BMP8A: variants seen among roughly 807,000 people sequenced by gnomAD.
The protein encoded by BMP8A is BMP-8A.
Under a neutral mutation model 36.8 loss-of-function variants are expected in BMP8A, and 14 were observed. That is an observed-to-expected ratio of 0.38 (90% CI 0.25 to 0.60). BMP8A has a LOEUF of 0.60. Among genes scored for constraint, BMP8A ranks in the 20% least tolerant of loss-of-function variants. The pLI is 0.63. For synonymous variants in BMP8A, 120 were observed against 237.7 expected (o/e 0.50, Z 4.55); for missense variants, 267 against 551.1 (o/e 0.48, Z 5.16).
chr1:39,502,452 A>C (rs549179587), intron 1 of BMP8A, among the ~76,000 whole-genome samples: 1 of 152,290 alleles, frequency 6.6e-6, no homozygotes, highest in African/African-American at 2.4e-5. Flanking sequence ...CCAGTGCCCA[A>C]ATCTTGGTTT....
In BMP8A at chr1:39,527,506, C is replaced by T. The variant is rs1645494874; in HGVS notation, c.*1708C>T. On this transcript the variant is annotated 3_prime_UTR_variant, in exon 7 of 7. Transcript: ENST00000331593. ...TCTCTGGAGTTCACGTGCTGCACCCCCAGGGAGGGGCCTGGGGAGAGCTGG... is the reference window on the plus strand; with the variant it reads ...TCTCTGGAGTTCACGTGCTGCACCCTCAGGGAGGGGCCTGGGGAGAGCTGG... Among the ~76,000 whole-genome samples the T allele has an allele frequency of 1.3e-5, 2 of 152,204 alleles. No individual in the cohort carries two copies. The highest frequency in any genetic ancestry group is 2.9e-5 in the Non-Finnish European group (2 of 68,028).
At chr1:39,514,368 G>C in intron 3 of BMP8A, among the ~76,000 whole-genome samples, 1 of 145,224 alleles carries the variant, frequency 6.9e-6, no homozygotes. Flanking sequence ...AAGACGGGGG[G>C]CCTCTTCAGA....
At chr1:39,492,810 C>T (rs1570266867) in intron 1 of BMP8A, among the ~76,000 whole-genome samples, 1 of 152,294 alleles carries the variant, frequency 6.6e-6, no homozygotes, top group East Asian at 1.9e-4. Flanking sequence ...TGTGCGGAGC[C>T]TGGGTGGGGT....
At chr1:39,503,774 A>G (rs749742606) in intron 1 of BMP8A, among the ~76,000 whole-genome samples, 5 of 151,644 alleles carry the variant, frequency 3.3e-5, no homozygotes, top group Non-Finnish European at 7.4e-5. Flanking sequence ...CGGCCACCCA[A>G]AGTGCTAGGA....
rs1399161996 is a variant in BMP8A, at chr1:39,527,260, G to A, written c.*1462G>A. On this transcript the variant is annotated 3_prime_UTR_variant, in exon 7 of 7. Coordinates refer to ENST00000331593, the MANE Select transcript of BMP8A (RefSeq NM_181809.4). ...TGAGTTGGGTGGGGAGGTTTGTCTC[G>A]GCCTCCACTGTTCCCGGAAACCGCT... 4.6e-5 allele frequency among the ~76,000 whole-genome samples: 7 copies of A among 152,142 alleles called. No individual in the cohort carries two copies. The highest frequency in any genetic ancestry group is 1.9e-4 in the East Asian group (1 of 5,180).
intron 1 of BMP8A, among the ~76,000 whole-genome samples, chr1:39,508,320 T>C (rs1259030350): frequency 6.6e-6 from 1 of 151,936 alleles, no homozygotes; most frequent in Non-Finnish European, 1.5e-5. Flanking sequence ...GGCTGCTGAG[T>C]TTCAGACGTG....
At chr1:39,518,049 G>A (rs1043524628) in intron 3 of BMP8A, among the ~76,000 whole-genome samples, 2 of 152,022 alleles carry the variant, frequency 1.3e-5, no homozygotes, top group African/African-American at 2.4e-5. Context: ...AAGAGGCTGC[G>A]AGGCATTTCC....
rs1238167498 is a variant in BMP8A at position 39,515,616 on chromosome 1, G to A, written c.673+3712G>A. 72 of 1,543,306 alleles carry A rather than the reference G, an allele frequency of 4.7e-5. 1 individual carries two copies. Among genetic ancestry groups the A allele is most frequent in the Non-Finnish European group, 6.1e-5 (69 of 1,127,254 alleles). On this transcript the variant is annotated intron_variant, in intron 3 of 6. Coordinates refer to ENST00000331593, the MANE Select transcript of BMP8A (RefSeq NM_181809.4). ...GTGGAAGGCCGACCGGGCAGGAAACGTGGTCTTCAGGAGAAGCGCCCGCAA... is the reference window on the plus strand; with the variant it reads ...GTGGAAGGCCGACCGGGCAGGAAACATGGTCTTCAGGAGAAGCGCCCGCAA...
rs71060315 is a variant in BMP8A, at chr1:39,524,009, C to CACAT, written c.1059+892_1059+893insACAT. The CACAT allele has an allele frequency of 0.011, 1,654 of 155,668 alleles. 21 individuals are homozygous for CACAT. Among genetic ancestry groups the CACAT allele is most frequent in the Middle Eastern group, 0.054 (17 of 312 alleles). 9.6% of individuals were successfully genotyped at this position (155,668 alleles called of 1,614,324 possible). ...ACACACACACACACACACACACACA[C>CACAT]GTGCGCACACAATGCCTTGGTGTGA... On this transcript the variant is annotated intron_variant, in intron 6 of 6. Transcript: ENST00000331593. This position sits in a 1 kb window ranked among gnomAD's most constrained non-coding sequence, Gnocchi z 4.0.
At chr1:39,499,027 G>A (rs558782219) in intron 1 of BMP8A, among the ~76,000 whole-genome samples, 100 of 152,120 alleles carry the variant, frequency 6.6e-4, no homozygotes, top group Non-Finnish European at 1.0e-3. Flanking sequence ...TGGGGCCCCG[G>A]AACACAGCGG....
intron 6 of BMP8A, 27 bp downstream of exon 6, chr1:39,523,144 C>A: frequency 6.2e-7 from 1 of 1,610,448 alleles, no homozygotes; most frequent in Non-Finnish European, 8.5e-7. Context: ...TCCTGCCCAG[C>A]CCCCTGGGGT....
chr1:39,508,433 C>A (rs1048530772), intron 1 of BMP8A, among the ~76,000 whole-genome samples: 6 of 152,304 alleles, frequency 3.9e-5, no homozygotes, highest in African/African-American at 1.4e-4. Flanking sequence ...TCCCACGGCC[C>A]CTGCCCTTTC....
chr1:39,498,372 A>G (rs542056794), intron 1 of BMP8A, among the ~76,000 whole-genome samples: 42 of 152,240 alleles, frequency 2.8e-4, no homozygotes, highest in South Asian at 8.3e-4. Context: ...CCGGGATTTC[A>G]CTGGAGGAAT....
At chr1:39,508,048 G>A (rs945205830) in intron 1 of BMP8A, among the ~76,000 whole-genome samples, 7 of 152,116 alleles carry the variant, frequency 4.6e-5, no homozygotes, top group African/African-American at 1.2e-4. Flanking sequence ...TCAGGAGATC[G>A]AGACCATCCT....
chr1:39,527,079 GGGGAC>G lies in BMP8A; in HGVS notation c.*1282_*1286del, dbSNP rs1645490388. ...CTCCGGCCAGGCATGGGGCAAGGGT[GGGGAC>G]TGCCAGTGTTTGCTTGTGTCTAGGA... is the stretch of plus-strand genomic sequence containing the variant. On this transcript the variant is annotated 3_prime_UTR_variant, in exon 7 of 7. Transcript: ENST00000331593. Among the ~76,000 whole-genome samples the G allele has an allele frequency of 6.6e-6, 1 of 152,192 alleles. No individual in the cohort carries two copies. Among genetic ancestry groups the G allele is most frequent in the Non-Finnish European group, 1.5e-5 (1 of 68,034 alleles).
At position 39,522,987 on chromosome 1, in the gene BMP8A, CCTT is replaced by C. The variant is rs1557695391; in HGVS notation, c.949-17_949-15del. On this transcript the variant is annotated splice_polypyrimidine_tract_variant and intron_variant, in intron 5 of 6. Coordinates refer to ENST00000331593, the MANE Select transcript of BMP8A (RefSeq NM_181809.4). ...GGGAGGAGCACATGGATGGGACTCA[CCTT>C]CTCCCTTGCCCCCCAGGACTGGGTC... 1.9e-6 allele frequency: 3 copies of C among 1,582,384 alleles called. No homozygotes were observed. In the African/African-American group the frequency reaches 4.0e-5, roughly 21 times the overall value.
At chr1:39,500,097 G>C (rs1367990616) in intron 1 of BMP8A, among the ~76,000 whole-genome samples, 1 of 152,162 alleles carries the variant, frequency 6.6e-6, no homozygotes, top group African/African-American at 2.4e-5. Context: ...TCAGCCCCCT[G>C]ACCACTAGAT....
intron 1 of BMP8A, among the ~76,000 whole-genome samples, chr1:39,493,250 C>A (rs924966634): frequency 2.0e-5 from 3 of 152,226 alleles, no homozygotes; most frequent in African/African-American, 4.8e-5. Flanking sequence ...GCCCCAGCCA[C>A]CAGCCTCCCT....
chr1:39,529,622 TG>T lies in BMP8A; in HGVS notation c.*3828del, dbSNP rs541039464. Among the ~76,000 whole-genome samples, 1 of 152,218 alleles carries T rather than the reference TG, an allele frequency of 6.6e-6. No individual in the cohort carries two copies. The highest frequency in any genetic ancestry group is 1.5e-5 in the Non-Finnish European group (1 of 68,034). On this transcript the variant is annotated 3_prime_UTR_variant, in exon 7 of 7. Transcript: ENST00000331593. The stretch of plus-strand genomic sequence containing the variant: ...ACGTAAGAAAATGTTATCTGTGTGC[TG>T]GGGAAAATTTTGAAAATAACAAAAA...
Sources: gnomAD v4.1 joint callset for allele counts (sites outside exome capture counted in the v4.1 genomes callset) on GRCh38, gnomAD v4.1.1 for gene constraint, Gnocchi (gnomAD v3.1) non-coding constraint, MANE v1.5 for transcripts, NCBI Gene and HGNC (gene_info 2026-07-23, HGNC 2026-07-21) for gene names.